The following JAZF1 variants were observed in gnomAD, a reference collection of about 807,000 sequenced individuals.
JAZF1 encodes the protein JAZF zinc finger 1, also known as juxtaposed with another zinc finger protein 1.
A neutral mutation model predicts 26.4 loss-of-function variants in JAZF1; 8 were observed. That is an observed-to-expected ratio of 0.30 (90% CI 0.18 to 0.55). The LOEUF is 0.55. Ranked by LOEUF, JAZF1 falls within the 20% of genes least tolerant of loss-of-function variation. The probability of loss-of-function intolerance (pLI) is 0.94; values close to 1 mark genes in which losing one functional copy is unlikely to be tolerated. For missense variants in JAZF1, 199 were observed against 322.0 expected (o/e 0.62, Z 2.92); for synonymous variants, 126 against 122.3 (o/e 1.03, Z -0.20).
chr7:28,019,827 T>C (rs1782972704), intron 1 of JAZF1, among the ~76,000 whole-genome samples: 1 of 152,086 alleles, frequency 6.6e-6, no homozygotes, highest in African/African-American at 2.4e-5. Context: ...TCACAGGCTC[T>C]GCGACAAACA....
chr7:27,853,216 C>A (rs1037393512), intron 3 of JAZF1, among the ~76,000 whole-genome samples: 1 of 152,180 alleles, frequency 6.6e-6, no homozygotes, highest in Non-Finnish European at 1.5e-5. Context: ...TCTTTCTGCA[C>A]CTTCCCTCCT....
At chr7:27,976,009 T>C (rs1785462850) in intron 2 of JAZF1, among the ~76,000 whole-genome samples, 1 of 152,144 alleles carries the variant, frequency 6.6e-6, no homozygotes, top group East Asian at 1.9e-4. Context: ...AAATGTCACA[T>C]AAGGGTTGTC....
At chr7:27,871,455 C>T (rs1386863388) in intron 3 of JAZF1, among the ~76,000 whole-genome samples, 2 of 152,182 alleles carry the variant, frequency 1.3e-5, no homozygotes. Context: ...CACAGATGTC[C>T]TAATGGGATA....
intron 3 of JAZF1, among the ~76,000 whole-genome samples, chr7:27,851,224 T>G (rs1264283932): frequency 1.3e-5 from 2 of 152,246 alleles, no homozygotes; most frequent in African/African-American, 4.8e-5. Flanking sequence ...ATTACAGGCG[T>G]GAGCCACCAA....
chr7:28,110,448 A>G (rs1439227109), intron 1 of JAZF1, among the ~76,000 whole-genome samples: 1 of 64,040 alleles, frequency 1.6e-5, no homozygotes, highest in Non-Finnish European at 3.0e-5. Context: ...GAGAGAGAGA[A>G]AAAGGAAAGG....
At chr7:28,138,192 A>G (rs1427658235) in intron 1 of JAZF1, among the ~76,000 whole-genome samples, 1 of 152,264 alleles carries the variant, frequency 6.6e-6, no homozygotes, top group East Asian at 1.9e-4. Context: ...ATAAACACAG[A>G]TCTAAAAAGC....
Position 28,180,733 on chromosome 7 carries a change from G to A in JAZF1, c.-156C>T. On this transcript the variant is annotated 5_prime_UTR_variant, in exon 1 of 5. Coordinates refer to ENST00000283928, the MANE Select transcript of JAZF1 (RefSeq NM_175061.4). ...CGAGGACGGGACGGAGGGAGAGGGGGCGAGAGAGATGGAAGGAGAGCGAGG... is the reference window on the plus strand; with the variant it reads ...CGAGGACGGGACGGAGGGAGAGGGGACGAGAGAGATGGAAGGAGAGCGAGG... The A allele has an allele frequency of 1.9e-6, 1 of 515,726 alleles. No homozygotes were observed. Among genetic ancestry groups the A allele is most frequent in the Non-Finnish European group, 3.5e-6 (1 of 287,288 alleles). 31.9% of individuals were successfully genotyped at this position (515,726 alleles called of 1,614,324 possible).
At position 27,997,753 on chromosome 7, in the gene JAZF1, T is replaced by G. The variant is rs532774483; in HGVS notation, c.116-5772A>C. Among the ~76,000 whole-genome samples the G allele has an allele frequency of 7.0e-4, 107 of 152,122 alleles. 2 individuals are homozygous for G. The highest frequency in any genetic ancestry group is 2.5e-3 in the African/African-American group (102 of 41,496). On this transcript the variant is annotated intron_variant, in intron 1 of 4. Transcript: ENST00000283928. ...TGAGCAATATTTCTACTTTTTTTTT[T>G]TTTAGAGTTGGGGTCTTGCTATGTT...
chr7:28,067,695 T>C (rs1465528870), intron 1 of JAZF1, among the ~76,000 whole-genome samples: 1 of 152,178 alleles, frequency 6.6e-6, no homozygotes, highest in East Asian at 1.9e-4. Context: ...TTGAACCAAG[T>C]AGGGCAATTT....
At chr7:27,977,248 C>A (rs1345310629) in intron 2 of JAZF1, among the ~76,000 whole-genome samples, 1 of 152,202 alleles carries the variant, frequency 6.6e-6, no homozygotes, top group Non-Finnish European at 1.5e-5. Flanking sequence ...TCCTAGCAGG[C>A]AGTTCAATTT....
At chr7:28,139,643 A>G (rs1159852468) in intron 1 of JAZF1, among the ~76,000 whole-genome samples, 1 of 152,218 alleles carries the variant, frequency 6.6e-6, no homozygotes, top group East Asian at 1.9e-4. Flanking sequence ...TCTAGTCCCC[A>G]GAAGTGGGAG....
At chr7:27,872,040 T>C (rs1053550876) in intron 3 of JAZF1, among the ~76,000 whole-genome samples, 3 of 152,228 alleles carry the variant, frequency 2.0e-5, no homozygotes, top group African/African-American at 7.2e-5. Context: ...TGAGGCTTTA[T>C]AGCCACAGAG....
intron 1 of JAZF1, among the ~76,000 whole-genome samples, chr7:28,087,121 A>G (rs1784223211): frequency 6.6e-6 from 1 of 152,214 alleles, no homozygotes; most frequent in South Asian, 2.1e-4. Flanking sequence ...TTAGCTTTCA[A>G]CAAGTTATAT....
chr7:28,170,971 T>C (rs1783460599), intron 1 of JAZF1, among the ~76,000 whole-genome samples: 1 of 152,172 alleles, frequency 6.6e-6, no homozygotes, highest in Non-Finnish European at 1.5e-5. Context: ...AACTAGCCAG[T>C]AGGTACTGTG....
At position 27,835,633 on chromosome 7, in the gene JAZF1, C is replaced by T. The variant is rs563443016; in HGVS notation, c.556-2657G>A. Among the ~76,000 whole-genome samples, 5 of 152,302 alleles carry T rather than the reference C, an allele frequency of 3.3e-5. No homozygotes were observed. The East Asian group carries it at 9.6e-4, about 29-fold the overall frequency. On this transcript the variant is annotated intron_variant, in intron 4 of 4. Transcript: ENST00000283928. The stretch of plus-strand genomic sequence containing the variant: ...GTGATTAAAAAATGTTGACAAGCGT[C>T]AGTGGGTTGCCCTTATCGCAAATGT...
chr7:27,905,086 T>C (rs536496700), intron 2 of JAZF1, among the ~76,000 whole-genome samples: 7 of 151,978 alleles, frequency 4.6e-5, no homozygotes, highest in African/African-American at 1.7e-4. Flanking sequence ...GGGATGCACT[T>C]CCAAACCCAG....
In JAZF1 at chr7:27,840,748, C is replaced by T; in HGVS notation, c.505G>A (p.Glu169Lys). Residue 169 changes from glutamate (E) to lysine (K), a missense_variant, in exon 4 of 5, where the codon GAA (glutamate) becomes AAA (lysine). Transcript: ENST00000283928. This position sits in a 1 kb window ranked among gnomAD's most constrained non-coding sequence, Gnocchi z 5.1. ...ILSSMCMNGG[E>K]EKPFACPVPG... ...ACTGGGCAGGCAAAAGGCTTCTCTTCCCCTCCATTCATGCACATGGAGCTG... is the reference window on the plus strand; with the variant it reads ...ACTGGGCAGGCAAAAGGCTTCTCTTTCCCTCCATTCATGCACATGGAGCTG... 1 of 1,614,228 alleles carries T rather than the reference C, an allele frequency of 6.2e-7. No homozygotes were observed. The highest frequency in any genetic ancestry group is 8.5e-7 in the Non-Finnish European group (1 of 1,180,046).
chr7:28,109,756 C>G (rs1447816400), intron 1 of JAZF1, among the ~76,000 whole-genome samples: 1 of 152,200 alleles, frequency 6.6e-6, no homozygotes, highest in Non-Finnish European at 1.5e-5. Context: ...ACTCTGCCAA[C>G]CCCTGTTCAG....
chr7:28,139,769 T>C lies in JAZF1; in HGVS notation c.115+40694A>G, dbSNP rs376037187. On this transcript the variant is annotated intron_variant, in intron 1 of 4. Coordinates refer to ENST00000283928, the MANE Select transcript of JAZF1 (RefSeq NM_175061.4). ...TTCCCTACACTCAATAATTCGTTCA[T>C]TTAATCACATTTACTGAGGATCCAC... Among the ~76,000 whole-genome samples the C allele has an allele frequency of 1.4e-4, 21 of 152,338 alleles. No individual in the cohort carries two copies. In the East Asian group the frequency reaches 3.9e-3, roughly 28 times the overall value.
Sources: gnomAD v4.1 joint callset for allele counts (sites outside exome capture counted in the v4.1 genomes callset) on GRCh38, gnomAD v4.1.1 for gene constraint, Gnocchi (gnomAD v3.1) non-coding constraint, MANE v1.5 for transcripts, NCBI Gene and HGNC (gene_info 2026-07-23, HGNC 2026-07-21) for gene names.